The following TRPM3 variants were observed in gnomAD, a reference collection of about 807,000 sequenced individuals.
TRPM3 encodes the protein transient receptor potential cation channel subfamily M member 3.
TRPM3 carries 77 observed loss-of-function variants against 181.2 expected under a neutral mutation model. That is an observed-to-expected ratio of 0.42 (90% CI 0.35 to 0.51). TRPM3 has a LOEUF of 0.51. Ranked by LOEUF, TRPM3 falls within the 20% of genes least tolerant of loss-of-function variation. The pLI is 0.01. For missense variants in TRPM3, 1,759 were observed against 2,196.7 expected (o/e 0.80, Z 3.98); for synonymous variants, 745 against 796.4 (o/e 0.94, Z 1.09).
At chr9:70,700,139 T>C (rs142227626) in intron 8 of TRPM3, among the ~76,000 whole-genome samples, 395 of 152,260 alleles carry the variant, frequency 2.6e-3, no homozygotes, top group African/African-American at 9.1e-3. Context: ...TGTGCCACCA[T>C]GCCCGGCTAA....
chr9:70,791,308 C>G (rs552685137), intron 6 of TRPM3, among the ~76,000 whole-genome samples: 1 of 152,258 alleles, frequency 6.6e-6, no homozygotes, highest in East Asian at 1.9e-4. Flanking sequence ...AAGTACCACA[C>G]AAGTTATTAA....
intron 1 of TRPM3, among the ~76,000 whole-genome samples, chr9:71,006,473 C>T (rs1450706098): frequency 2.0e-5 from 3 of 151,558 alleles, no homozygotes; most frequent in African/African-American, 4.8e-5. Flanking sequence ...TAATGATACA[C>T]ACATATTGAA....
intron 1 of TRPM3, among the ~76,000 whole-genome samples, chr9:71,210,549 C>G (rs907386374): frequency 6.6e-6 from 1 of 152,102 alleles, no homozygotes; most frequent in African/African-American, 2.4e-5. Context: ...CCTTCTGGTA[C>G]CCTTCCTTAC....
At chr9:71,242,832 A>G (rs1214053372) in intron 1 of TRPM3, among the ~76,000 whole-genome samples, 1 of 152,018 alleles carries the variant, frequency 6.6e-6, no homozygotes, top group Non-Finnish European at 1.5e-5. Flanking sequence ...ATTAGATTAT[A>G]TCACGCCTCT....
chr9:71,446,771 G>C, exon 1 of TRPM3: 1 of 1,550,478 alleles, frequency 6.4e-7, no homozygotes. Context: ...GCGGCTCTCC[G>C]CGTTGTCCTC....
At chr9:71,161,269 C>T (rs2076260769) in intron 1 of TRPM3, among the ~76,000 whole-genome samples, 1 of 152,080 alleles carries the variant, frequency 6.6e-6, no homozygotes, top group Non-Finnish European at 1.5e-5. Context: ...CTGTCACATA[C>T]CAACACAACA....
intron 1 of TRPM3, among the ~76,000 whole-genome samples, chr9:71,211,192 A>G (rs2079475203): frequency 6.6e-6 from 1 of 152,182 alleles, no homozygotes; most frequent in Non-Finnish European, 1.5e-5. Context: ...TGCTTTCCAA[A>G]GCCTTGCAGG....
chr9:70,855,201 C>G (rs1185757063), intron 3 of TRPM3, among the ~76,000 whole-genome samples: 1 of 152,218 alleles, frequency 6.6e-6, no homozygotes, highest in Non-Finnish European at 1.5e-5. Context: ...TTTGGCATCA[C>G]AAACAAGACA....
rs973061840 is a variant in TRPM3, at chr9:70,529,704, C to T, written c.*6249G>A. 1.3e-5 allele frequency: 2 copies of T among 152,168 alleles called. No homozygotes were observed. Among genetic ancestry groups the T allele is most frequent in the Non-Finnish European group, 2.9e-5 (2 of 68,032 alleles). 9.4% of individuals were successfully genotyped at this position (152,168 alleles called of 1,614,324 possible). On this transcript the variant is annotated 3_prime_UTR_variant, in exon 26 of 26. Transcript: ENST00000677713. ...GTTTCTTTTCCCCCCTCTCGGTTCT[C>T]AGTGTATTTTGTGTGTACACTCACC...
At chr9:71,080,097 G>A (rs1237494336) in intron 1 of TRPM3, among the ~76,000 whole-genome samples, 1 of 151,904 alleles carries the variant, frequency 6.6e-6, no homozygotes, top group South Asian at 2.1e-4. Flanking sequence ...TTGAACCCGG[G>A]AGGCAGAGGT....
intron 1 of TRPM3, among the ~76,000 whole-genome samples, chr9:71,370,870 G>A (rs1034444572): frequency 1.3e-5 from 2 of 152,094 alleles, no homozygotes; most frequent in Admixed American, 1.3e-4. Flanking sequence ...TCTTGTTAGG[G>A]GCTCACACAG....
At chr9:71,410,161 G>T (rs2093517482) in intron 1 of TRPM3, among the ~76,000 whole-genome samples, 1 of 152,108 alleles carries the variant, frequency 6.6e-6, no homozygotes, top group African/African-American at 2.4e-5. Flanking sequence ...AAGCAGGAAA[G>T]ATCTAAAATT....
chr9:71,275,264 A>C (rs1031565871), intron 1 of TRPM3, among the ~76,000 whole-genome samples: 4 of 152,222 alleles, frequency 2.6e-5, no homozygotes, highest in Non-Finnish European at 5.9e-5. Context: ...ACAAAGCTTT[A>C]AAATGTTTTT....
chr9:70,572,590 A>T (rs1484215858), intron 22 of TRPM3, among the ~76,000 whole-genome samples: 1 of 152,092 alleles, frequency 6.6e-6, no homozygotes, highest in Non-Finnish European at 1.5e-5. Context: ...TACCGGACAG[A>T]TATATTTTGT....
At chr9:71,292,972 A>G (rs940990332) in intron 1 of TRPM3, among the ~76,000 whole-genome samples, 12 of 152,126 alleles carry the variant, frequency 7.9e-5, no homozygotes, top group African/African-American at 2.9e-4. Context: ...GTTTATCTCA[A>G]GAATATAAAG....
chr9:70,594,680 A>G (rs1043483301), intron 21 of TRPM3, among the ~76,000 whole-genome samples: 19 of 152,142 alleles, frequency 1.2e-4, no homozygotes, highest in African/African-American at 4.3e-4. Flanking sequence ...GGCTTCTTAT[A>G]TTATGCAAAG....
At chr9:70,760,547 T>C (rs2077936353) in intron 8 of TRPM3, 1 of 151,662 alleles carries the variant, frequency 6.6e-6, no homozygotes, top group African/African-American at 2.4e-5. Flanking sequence ...TACCTAGGTA[T>C]TGTCCTATTC....
chr9:71,278,717 C>A (rs946873489), intron 1 of TRPM3, among the ~76,000 whole-genome samples: 1 of 152,020 alleles, frequency 6.6e-6, no homozygotes, highest in Non-Finnish European at 1.5e-5. Flanking sequence ...CTATGTGGCT[C>A]AACCTGACAG....
chr9:71,031,580 G>T (rs1016850432), intron 1 of TRPM3, among the ~76,000 whole-genome samples: 4 of 152,116 alleles, frequency 2.6e-5, no homozygotes, highest in African/African-American at 9.6e-5. Context: ...TGCTATGTTT[G>T]TGTTTTCTGT....
Sources: gnomAD v4.1 joint callset for allele counts (sites outside exome capture counted in the v4.1 genomes callset) on GRCh38, gnomAD v4.1.1 for gene constraint, MANE v1.5 for transcripts, NCBI Gene and HGNC (gene_info 2026-07-23, HGNC 2026-07-21) for gene names.